Variants in LRRC4C observed in about 807,000 individuals in gnomAD.
LRRC4C encodes leucine rich repeat containing 4C, also known as leucine-rich repeat-containing protein 4C.
A neutral mutation model predicts 33.6 loss-of-function variants in LRRC4C; 5 were observed. The observed-to-expected ratio is 0.15, with a 90% CI of 0.08 to 0.31. LRRC4C has a LOEUF of 0.31. Ranked by LOEUF, LRRC4C falls within the 10% of genes least tolerant of loss-of-function variation. The pLI, the probability that LRRC4C is intolerant of heterozygous loss-of-function variation, is 1.00. For missense variants in LRRC4C, 560 were observed against 796.7 expected (o/e 0.70, Z 3.58); for synonymous variants, 329 against 302.0 (o/e 1.09, Z -0.93).
chr11:40,459,767 C>T (rs1409635653), intron 3 of LRRC4C, among the ~76,000 whole-genome samples: 2 of 152,098 alleles, frequency 1.3e-5, no homozygotes, highest in Non-Finnish European at 2.9e-5. Flanking sequence ...GACTGATGTC[C>T]ACCACACAAA....
At chr11:41,226,019 CA>C (rs1359041747) in intron 1 of LRRC4C, among the ~76,000 whole-genome samples, 2 of 152,094 alleles carry the variant, frequency 1.3e-5, no homozygotes, top group Non-Finnish European at 2.9e-5. Flanking sequence ...TTACTACTAG[CA>C]GTGGTTTAAT....
At chr11:40,776,354 C>A (rs932143010) in intron 2 of LRRC4C, among the ~76,000 whole-genome samples, 1 of 151,614 alleles carries the variant, frequency 6.6e-6, no homozygotes, top group Non-Finnish European at 1.5e-5. Flanking sequence ...GTGAATCCAT[C>A]TGGTCTAGGG....
At chr11:40,475,596 T>G (rs1953173624) in intron 3 of LRRC4C, among the ~76,000 whole-genome samples, 1 of 151,918 alleles carries the variant, frequency 6.6e-6, no homozygotes, top group African/African-American at 2.4e-5. Flanking sequence ...ACTTTAAGTA[T>G]AATAATAATA....
intron 1 of LRRC4C, among the ~76,000 whole-genome samples, chr11:41,251,189 T>G (rs946677978): frequency 7.2e-5 from 11 of 152,214 alleles, no homozygotes; most frequent in African/African-American, 2.7e-4. Context: ...ACCTTCATAT[T>G]TAAAATGTCT....
At chr11:40,761,419 A>G (rs1160862145) in intron 2 of LRRC4C, among the ~76,000 whole-genome samples, 1 of 152,104 alleles carries the variant, frequency 6.6e-6, no homozygotes, top group African/African-American at 2.4e-5. Flanking sequence ...TGAGTTTTTC[A>G]TCTTATATGT....
At chr11:41,091,928 T>A (rs1310765675) in intron 1 of LRRC4C, among the ~76,000 whole-genome samples, 1 of 152,030 alleles carries the variant, frequency 6.6e-6, no homozygotes, top group African/African-American at 2.4e-5. Context: ...AGAAAATCAA[T>A]GGGATACAAT....
At chr11:40,194,499 T>C (rs1234146204) in intron 5 of LRRC4C, among the ~76,000 whole-genome samples, 2 of 151,794 alleles carry the variant, frequency 1.3e-5, no homozygotes, top group East Asian at 3.9e-4. Flanking sequence ...AAACCATCAT[T>C]CTCAGCAAAC....
intron 1 of LRRC4C, among the ~76,000 whole-genome samples, chr11:41,076,984 G>A (rs2135459218): frequency 6.6e-6 from 1 of 152,302 alleles, no homozygotes; most frequent in Admixed American, 6.5e-5. Context: ...TCCAAAACCA[G>A]GCCGGGCAGT....
intron 2 of LRRC4C, among the ~76,000 whole-genome samples, chr11:40,847,791 T>TGC (rs2135714106): frequency 6.6e-6 from 1 of 151,028 alleles, no homozygotes; most frequent in Admixed American, 6.6e-5. Context: ...CTTTTTTTTT[T>TGC]TTTTTTTTTG....
intron 2 of LRRC4C, among the ~76,000 whole-genome samples, chr11:40,748,085 G>A (rs537176087): frequency 6.6e-6 from 1 of 152,072 alleles, no homozygotes; most frequent in Admixed American, 6.6e-5. Flanking sequence ...AAATGCAAAA[G>A]GTCTTCTTTA....
At chr11:41,134,016 A>C (rs1469507477) in intron 1 of LRRC4C, among the ~76,000 whole-genome samples, 1 of 152,014 alleles carries the variant, frequency 6.6e-6, no homozygotes, top group East Asian at 1.9e-4. Context: ...GGGACCACTT[A>C]CTCAAGGCTT....
chr11:40,329,931 T>C (rs908850082), intron 3 of LRRC4C, among the ~76,000 whole-genome samples: 1 of 151,826 alleles, frequency 6.6e-6, no homozygotes. Context: ...TTGGTAGAGA[T>C]GGGGTTTCAC....
In LRRC4C at chr11:40,495,813, G is replaced by GTTTTTTTTT. The variant is rs77683172; in HGVS notation, c.-270+152320_-270+152328dup. Among the ~76,000 whole-genome samples, 437 of 66,990 alleles carry GTTTTTTTTT rather than the reference G, an allele frequency of 6.5e-3. 120 individuals carry two copies. Among genetic ancestry groups the GTTTTTTTTT allele is most frequent in the Non-Finnish European group, 9.0e-3 (325 of 36,090 alleles). 43.9% of individuals were successfully genotyped at this position (66,990 alleles called of 152,430 possible). On this transcript the variant is annotated intron_variant, in intron 3 of 6. Coordinates refer to ENST00000528697, the MANE Select transcript of LRRC4C (RefSeq NM_001258419.2). ...TTTTATTGAAGTTCTCAATAAACAT[G>GTTTTTTTTT]TTTTTTTTTTTTTTTTTTTTTTTTT...
At chr11:40,440,866 AT>A (rs58954858) in intron 3 of LRRC4C, among the ~76,000 whole-genome samples, 53,791 of 148,884 alleles carry the variant, frequency 0.36, 10,175 homozygotes, top group East Asian at 0.52. Flanking sequence ...CCAGTAGGGA[AT>A]TTTTTTTTTT....
chr11:40,816,473 C>G (rs763968836), intron 2 of LRRC4C, among the ~76,000 whole-genome samples: 4 of 151,744 alleles, frequency 2.6e-5, no homozygotes, highest in Non-Finnish European at 5.9e-5. Flanking sequence ...TTTCTTTTTT[C>G]AATTGGAGAG....
chr11:40,615,390 T>G (rs1961700756), intron 3 of LRRC4C, among the ~76,000 whole-genome samples: 1 of 151,140 alleles, frequency 6.6e-6, no homozygotes, highest in Non-Finnish European at 1.5e-5. Context: ...TTCCAATATC[T>G]TTACAAGATG....
intron 2 of LRRC4C, among the ~76,000 whole-genome samples, chr11:40,824,625 A>G (rs1952079503): frequency 6.6e-6 from 1 of 151,978 alleles, no homozygotes. Context: ...TACAGACATT[A>G]TTCATCATGC....
At chr11:40,194,650 T>C (rs1862107857) in intron 5 of LRRC4C, among the ~76,000 whole-genome samples, 1 of 151,904 alleles carries the variant, frequency 6.6e-6, no homozygotes, top group East Asian at 1.9e-4. Context: ...GGGATAGCAT[T>C]AGGAGAAATA....
intron 2 of LRRC4C, among the ~76,000 whole-genome samples, chr11:40,831,404 C>A (rs758626698): frequency 1.4e-4 from 22 of 152,054 alleles, no homozygotes; most frequent in Admixed American, 5.9e-4. Context: ...GCAGACATAT[C>A]TGATGAACCT....
Sources: allele counts gnomAD v4.1 joint callset (sites outside exome capture counted in the v4.1 genomes callset), GRCh38; gene constraint gnomAD v4.1.1; transcripts MANE v1.5; gene names NCBI Gene and HGNC (gene_info 2026-07-23, HGNC 2026-07-21).